DOK6: variants seen among roughly 807,000 people sequenced by gnomAD.
The protein encoded by DOK6 is downstream of tyrosine kinase 6.
DOK6 carries 22 observed loss-of-function variants against 44.0 expected under a neutral mutation model. The ratio of observed to expected loss-of-function variants is 0.50; its 90% CI spans 0.36 to 0.71. DOK6 has a LOEUF of 0.71. Ranked by LOEUF, DOK6 falls within the 30% of genes least tolerant of loss-of-function variation. The pLI is 0.00. For synonymous variants in DOK6, 166 were observed against 145.5 expected, an observed-to-expected ratio of 1.14 and a Z score of -1.01; for missense variants, 340 against 416.4, an observed-to-expected ratio of 0.82 and a Z score of 1.60.
At chr18:69,738,829 C>T (rs151201254) in intron 5 of DOK6, 136 bp from the exon 6 acceptor site, 62 of 1,066,728 alleles carry the variant, frequency 5.8e-5, no homozygotes, top group African/African-American at 3.2e-4. Context: ...GGTTTGGTTA[C>T]GGCTGAATCA....
At chr18:69,816,740 A>G (rs1981409647) in intron 7 of DOK6, among the ~76,000 whole-genome samples, 1 of 152,214 alleles carries the variant, frequency 6.6e-6, no homozygotes, top group South Asian at 2.1e-4. Context: ...CCTGTACTCT[A>G]TCTTAGACTT....
At chr18:69,612,706 G>A (rs1261714786) in intron 3 of DOK6, among the ~76,000 whole-genome samples, 1 of 151,174 alleles carries the variant, frequency 6.6e-6, no homozygotes, top group Non-Finnish European at 1.5e-5. Flanking sequence ...TTTGAACTCA[G>A]TGAGGACATG....
chr18:69,459,032 G>A (rs1213729068), intron 1 of DOK6, among the ~76,000 whole-genome samples: 1 of 147,472 alleles, frequency 6.8e-6, no homozygotes, highest in African/African-American at 2.5e-5. Context: ...GCAGATGGAG[G>A]TTGCAGTGAG....
At chr18:69,712,673 C>T (rs1986794252) in intron 5 of DOK6, among the ~76,000 whole-genome samples, 1 of 152,076 alleles carries the variant, frequency 6.6e-6, no homozygotes, top group African/African-American at 2.4e-5. Context: ...GGCGAAACCC[C>T]CCATCTCTAC....
chr18:69,732,320 T>C (rs1978435928), intron 5 of DOK6, among the ~76,000 whole-genome samples: 1 of 152,128 alleles, frequency 6.6e-6, no homozygotes, highest in Admixed American at 6.5e-5. Context: ...CATCTGTCAA[T>C]CTTTTAAAAT....
chr18:69,762,679 TA>T (rs1979599599), intron 7 of DOK6, among the ~76,000 whole-genome samples: 1 of 152,242 alleles, frequency 6.6e-6, no homozygotes, highest in Non-Finnish European at 1.5e-5. Context: ...GATTCATTAA[TA>T]AGCAGCACAT....
intron 1 of DOK6, among the ~76,000 whole-genome samples, chr18:69,482,211 GA>G (rs1323427415): frequency 6.6e-6 from 1 of 152,150 alleles, no homozygotes; most frequent in African/African-American, 2.4e-5. Context: ...TTCCTGTGCA[GA>G]AGCTCTTTAG....
At chr18:69,687,233 G>A (rs7230103) in intron 4 of DOK6, among the ~76,000 whole-genome samples, 123,540 of 152,212 alleles carry the variant, frequency 0.81, 50,332 homozygotes, top group East Asian at 0.98. Flanking sequence ...CAATGTTGGC[G>A]TAGCCCAATA....
chr18:69,458,448 G>C (rs1463034764), intron 1 of DOK6, among the ~76,000 whole-genome samples: 1 of 152,144 alleles, frequency 6.6e-6, no homozygotes, highest in African/African-American at 2.4e-5. Context: ...CATACTGACT[G>C]GGTAAAAGCT....
At chr18:69,799,193 A>G (rs1256369757) in intron 7 of DOK6, among the ~76,000 whole-genome samples, 1 of 152,060 alleles carries the variant, frequency 6.6e-6, no homozygotes, top group African/African-American at 2.4e-5. Context: ...GCTAAAAGGA[A>G]ATACTTCTTC....
At chr18:69,615,327 A>G (rs904086081) in intron 3 of DOK6, among the ~76,000 whole-genome samples, 2 of 152,208 alleles carry the variant, frequency 1.3e-5, no homozygotes, top group Non-Finnish European at 2.9e-5. Flanking sequence ...TTTTATGAAC[A>G]TTCCATTACT....
At chr18:69,475,346 G>A (rs1478881572) in intron 1 of DOK6, among the ~76,000 whole-genome samples, 1 of 152,138 alleles carries the variant, frequency 6.6e-6, no homozygotes, top group African/African-American at 2.4e-5. Context: ...GGACCCAGTG[G>A]AAATGCACTA....
chr18:69,754,468 T>C (rs905831253), intron 6 of DOK6, among the ~76,000 whole-genome samples: 1 of 81,300 alleles, frequency 1.2e-5, no homozygotes. Flanking sequence ...AAATTAAGAA[T>C]TGCTGGTTAA....
chr18:69,691,036 T>C (rs1371603905), intron 4 of DOK6, among the ~76,000 whole-genome samples: 1 of 151,818 alleles, frequency 6.6e-6, no homozygotes, highest in Non-Finnish European at 1.5e-5. Flanking sequence ...AATTCAAACA[T>C]TAGCTGGGCA....
intron 1 of DOK6, among the ~76,000 whole-genome samples, chr18:69,556,731 C>G (rs1160326974): frequency 1.8e-4 from 28 of 152,154 alleles, no homozygotes; most frequent in Admixed American, 1.8e-3. Flanking sequence ...ATCTGTGTAC[C>G]TATCTATGGA....
chr18:69,429,616 GATACATATAT>G (rs1198702107), intron 1 of DOK6, among the ~76,000 whole-genome samples: 28 of 78,146 alleles, frequency 3.6e-4, no homozygotes, highest in East Asian at 6.6e-4. Context: ...AATATTGAGG[GATACATATAT>G]ATATATATAT....
chr18:69,829,069 G>A (rs1225579396), intron 7 of DOK6, among the ~76,000 whole-genome samples: 1 of 150,134 alleles, frequency 6.7e-6, no homozygotes, highest in Admixed American at 6.7e-5. Flanking sequence ...AGTGAAAATA[G>A]ACAAGATTAG....
At chr18:69,764,088 G>C (rs989518523) in intron 7 of DOK6, among the ~76,000 whole-genome samples, 6 of 152,138 alleles carry the variant, frequency 3.9e-5, no homozygotes, top group African/African-American at 1.4e-4. Flanking sequence ...ACTGAGCACA[G>C]ATACTTGCTA....
At chr18:69,510,322 A>G (rs1981330845) in intron 1 of DOK6, among the ~76,000 whole-genome samples, 1 of 152,206 alleles carries the variant, frequency 6.6e-6, no homozygotes, top group African/African-American at 2.4e-5. Flanking sequence ...ATTAACCATT[A>G]AGTAATGAAA....
Sources: gnomAD v4.1 joint callset for allele counts (sites outside exome capture counted in the v4.1 genomes callset) on GRCh38, gnomAD v4.1.1 for gene constraint, MANE v1.5 for transcripts, NCBI Gene and HGNC (gene_info 2026-07-23, HGNC 2026-07-21) for gene names.